TTC12: variants seen among roughly 807,000 people sequenced by gnomAD.
TTC12 encodes tetratricopeptide repeat domain 12.
Under a neutral mutation model 90.1 loss-of-function variants are expected in TTC12, and 70 were observed. The ratio of observed to expected loss-of-function variants is 0.78; its 90% CI spans 0.64 to 0.95. The LOEUF is 0.95. Ranked by LOEUF, TTC12 falls within the 40% of genes least tolerant of loss-of-function variation. The pLI is 0.00. For synonymous variants in TTC12, 296 were observed against 311.5 expected, an observed-to-expected ratio of 0.95 and a Z score of 0.53; for missense variants, 819 against 846.1, an observed-to-expected ratio of 0.97 and a Z score of 0.40.
downstream of TTC12, chr11:113,366,398 A>G (rs374388216): frequency 1.8e-3 from 2,806 of 1,571,276 alleles, 10 homozygotes; most frequent in Non-Finnish European, 2.2e-3. Context: ...CTTCAGAATC[A>G]AGTACTCATT....
intron 8 of TTC12, among the ~76,000 whole-genome samples, chr11:113,335,313 G>T (rs148098336): frequency 1.3e-5 from 2 of 152,196 alleles, no homozygotes; most frequent in East Asian, 3.9e-4. Context: ...AACAAAATTT[G>T]CTGTAACCTC....
intron 1 of TTC12, chr11:113,314,869 C>A (rs12282421): frequency 6.6e-6 from 1 of 152,186 alleles, no homozygotes; most frequent in Non-Finnish European, 1.5e-5. Flanking sequence ...GGGCAGGCTC[C>A]GCGCGGGGCT....
chr11:113,362,168 T>A (rs1949972390), intron 18 of TTC12, among the ~76,000 whole-genome samples: 1 of 152,138 alleles, frequency 6.6e-6, no homozygotes, highest in Admixed American at 6.5e-5. Flanking sequence ...AACTGGTTGA[T>A]CCTGTGTGAA....
intron 11 of TTC12, chr11:113,341,599 C>T (rs1218226478): frequency 3.8e-6 from 2 of 519,718 alleles, no homozygotes; most frequent in East Asian, 3.6e-5. Context: ...GTGCAGCCAT[C>T]GCCCATGGCC....
chr11:113,371,040 G>A (rs781189894), downstream of TTC12, among the ~76,000 whole-genome samples: 111 of 152,060 alleles, frequency 7.3e-4, no homozygotes, highest in Non-Finnish European at 1.3e-3. Flanking sequence ...GTGAGTTAAC[G>A]TGCAAGGTGA....
intron 1 of TTC12, chr11:113,315,201 G>C (rs1555134825): frequency 6.6e-6 from 1 of 152,244 alleles, no homozygotes; most frequent in East Asian, 1.9e-4. Flanking sequence ...TTTTATATAG[G>C]TAAGGGTGCT....
chr11:113,323,804 T>C (rs1347060233), intron 3 of TTC12, among the ~76,000 whole-genome samples, 190 bp from the exon 4 acceptor site: 1 of 152,166 alleles, frequency 6.6e-6, no homozygotes, highest in African/African-American at 2.4e-5. Flanking sequence ...CTCGGTCCCA[T>C]AGCAATTGTG....
chr11:113,355,007 T>C (rs1327695025), intron 16 of TTC12, among the ~76,000 whole-genome samples: 1 of 152,156 alleles, frequency 6.6e-6, no homozygotes, highest in Non-Finnish European at 1.5e-5. Flanking sequence ...TTCCTTGATA[T>C]TTTGGAATAG....
intron 20 of TTC12, chr11:113,364,485 C>CATTAAAA: frequency 3.2e-6 from 1 of 312,016 alleles, no homozygotes; most frequent in South Asian, 3.5e-5. Flanking sequence ...CACATTGCCT[C>CATTAAAA]CACCTGGGGG....
downstream of TTC12, among the ~76,000 whole-genome samples, chr11:113,367,280 T>TG (rs1214190944): frequency 6.6e-6 from 1 of 152,234 alleles, no homozygotes. Flanking sequence ...CCCTGCTACC[T>TG]GCCCTGCCAG....
In TTC12 at chr11:113,339,417, C is replaced by G. The variant is rs1555145276; in HGVS notation, c.769C>G (p.Gln257Glu). 1.2e-6 allele frequency: 2 copies of G among 1,613,574 alleles called. No homozygotes were observed. The highest frequency in any genetic ancestry group is 4.5e-5 in the East Asian group (2 of 44,866). ...NLLETLSKPDQIPLFYAGGIE... is the reference protein window; with the variant it reads ...NLLETLSKPDEIPLFYAGGIE... ...CCTGGAGACCCTTTCCAAGCCTGAC[C>G]AGATCCCCTTGTTCTATGCTGGGGG... Residue 257 changes from glutamine to glutamate, a missense_variant, in exon 10 of 22, where the codon CAG becomes GAG. Transcript: ENST00000529221.
chr11:113,353,619 C>T (rs1368737674), intron 16 of TTC12, among the ~76,000 whole-genome samples: 2 of 152,060 alleles, frequency 1.3e-5, no homozygotes, highest in Admixed American at 1.3e-4. Flanking sequence ...GTCTTTATTC[C>T]ATCTTGAGTT....
intron 2 of TTC12, among the ~76,000 whole-genome samples, chr11:113,319,958 G>A (rs1591511346): frequency 6.6e-6 from 1 of 152,110 alleles, no homozygotes; most frequent in Non-Finnish European, 1.5e-5. Context: ...GACACCATAA[G>A]AGAGTATATT....
intron 7 of TTC12, among the ~76,000 whole-genome samples, chr11:113,331,065 A>C (rs1948033567): frequency 6.6e-6 from 1 of 152,162 alleles, no homozygotes; most frequent in African/African-American, 2.4e-5. Context: ...ATGAATGAGA[A>C]AGTCACCTCT....
chr11:113,328,503 T>G (rs1947830168), intron 6 of TTC12, among the ~76,000 whole-genome samples: 1 of 152,232 alleles, frequency 6.6e-6, no homozygotes, highest in Admixed American at 6.5e-5. Flanking sequence ...AGGCATTTGA[T>G]ACTAAGGCTT....
At position 113,360,051 on chromosome 11, in the gene TTC12, C is replaced by CTTGTTTTGTTTTGTT. The variant is rs71060300; in HGVS notation, c.1614+56_1614+70dup. ...AAATCCAGAAGCAGCTTCCATTGTT[C>CTTGTTTTGTTTTGTT]TTGTTTTGTTTTGTTTTGTTTTGTT... is the stretch of plus-strand genomic sequence containing the variant. On this transcript the variant is annotated intron_variant, in intron 18 of 21. Coordinates refer to ENST00000529221, the MANE Select transcript of TTC12 (RefSeq NM_017868.4). The CTTGTTTTGTTTTGTT allele has an allele frequency of 7.6e-3, 8,021 of 1,053,634 alleles. 130 individuals carry two copies. Among genetic ancestry groups the CTTGTTTTGTTTTGTT allele is most frequent in the East Asian group, 0.026 (1,108 of 42,706 alleles). The allele number at this position is 1,053,634 out of a possible 1,614,324, so 65.3% of individuals were successfully genotyped here.
chr11:113,340,456 G>T (rs992912610), intron 10 of TTC12, among the ~76,000 whole-genome samples: 5 of 152,198 alleles, frequency 3.3e-5, no homozygotes, highest in African/African-American at 9.7e-5. Context: ...CAGTCCCTCC[G>T]CCTGAGAGGC....
intron 19 of TTC12, among the ~76,000 whole-genome samples, chr11:113,363,445 A>G (rs1374734596): frequency 1.3e-5 from 2 of 152,248 alleles, no homozygotes; most frequent in Admixed American, 1.3e-4. Flanking sequence ...TCAGCCTGAC[A>G]GCCTTAGCAA....
intron 13 of TTC12, among the ~76,000 whole-genome samples, chr11:113,348,854 C>G (rs1949113244): frequency 6.6e-6 from 1 of 152,242 alleles, no homozygotes; most frequent in South Asian, 2.1e-4. Context: ...GATCTGGGCT[C>G]TGTCCAGCTC....
Sources: allele counts gnomAD v4.1 joint callset (sites outside exome capture counted in the v4.1 genomes callset), GRCh38; gene constraint gnomAD v4.1.1; transcripts MANE v1.5; gene names NCBI Gene and HGNC (gene_info 2026-07-23, HGNC 2026-07-21).